BABAM2: variants seen among roughly 807,000 people sequenced by gnomAD.
The protein encoded by BABAM2 is BRISC and BRCA1-A complex member 2.
BABAM2 carries 31 observed loss-of-function variants against 54.7 expected under a neutral mutation model. The ratio of observed to expected loss-of-function variants is 0.57; its 90% CI spans 0.43 to 0.77. BABAM2 has a LOEUF of 0.77. BABAM2 is among the 30% of genes least tolerant of loss of function. The probability of loss-of-function intolerance (pLI) is 0.00; values close to 1 mark genes in which losing one functional copy is unlikely to be tolerated. For missense variants in BABAM2, 364 were observed against 455.8 expected (o/e 0.80, Z 1.83); for synonymous variants, 167 against 162.9 (o/e 1.03, Z -0.19).
intron 5 of BABAM2, among the ~76,000 whole-genome samples, chr2:28,026,840 A>C (rs1675754748): frequency 1.6e-5 from 1 of 62,386 alleles, no homozygotes; most frequent in Non-Finnish European, 3.0e-5. Flanking sequence ...ATAAATATAT[A>C]TAAATATATA....
At chr2:27,983,785 A>G (rs1405181050) in intron 3 of BABAM2, among the ~76,000 whole-genome samples, 2 of 151,804 alleles carry the variant, frequency 1.3e-5, no homozygotes, top group African/African-American at 4.8e-5. Context: ...AATGCGGTTG[A>G]TTTTTGTACA....
chr2:28,134,372 T>G (rs910140285), intron 7 of BABAM2: 4 of 152,114 alleles, frequency 2.6e-5, no homozygotes, highest in Non-Finnish European at 4.4e-5. Flanking sequence ...ATGCTCTACC[T>G]TTCCCTCTTC....
At chr2:28,270,326 G>T (rs1685318292) in intron 10 of BABAM2, among the ~76,000 whole-genome samples, 2 of 152,074 alleles carry the variant, frequency 1.3e-5, no homozygotes, top group Admixed American at 1.3e-4. Flanking sequence ...TTGCTTTGTT[G>T]CCCAGACTGG....
intron 4 of BABAM2, among the ~76,000 whole-genome samples, chr2:27,994,460 T>C (rs12470614): frequency 0.64 from 97,555 of 152,004 alleles, 33,424 homozygotes; most frequent in Middle Eastern, 0.8. Flanking sequence ...GCCTCACTCA[T>C]GTCCTGTTCC....
At chr2:27,988,520 A>G (rs762479795) in intron 4 of BABAM2, among the ~76,000 whole-genome samples, 1 of 152,152 alleles carries the variant, frequency 6.6e-6, no homozygotes, top group Non-Finnish European at 1.5e-5. Flanking sequence ...TTGGACTTGT[A>G]TCCGCATTAT....
At chr2:28,246,797 G>T (rs559309684) in intron 10 of BABAM2, among the ~76,000 whole-genome samples, 30 of 152,294 alleles carry the variant, frequency 2.0e-4, no homozygotes, top group Middle Eastern at 3.4e-3. Context: ...TATTCTGGTG[G>T]TTGCTAGCAA....
chr2:27,981,616 T>C (rs1269333529), intron 3 of BABAM2, among the ~76,000 whole-genome samples: 1 of 152,184 alleles, frequency 6.6e-6, no homozygotes, highest in Non-Finnish European at 1.5e-5. Context: ...AATAATACAA[T>C]AAGTAGCCTT....
intron 7 of BABAM2, among the ~76,000 whole-genome samples, chr2:28,191,207 ATAC>A (rs1276796459): frequency 6.6e-6 from 1 of 152,250 alleles, no homozygotes; most frequent in Non-Finnish European, 1.5e-5. Flanking sequence ...AATGAGATTA[ATAC>A]TATACACCTA....
chr2:27,937,216 G>C (rs542914911), intron 3 of BABAM2, among the ~76,000 whole-genome samples: 8 of 152,128 alleles, frequency 5.3e-5, no homozygotes, highest in Non-Finnish European at 1.2e-4. Context: ...TAAATTCTAC[G>C]TAGATAGCTG....
At chr2:28,214,647 A>C (rs1207516519) in intron 7 of BABAM2, among the ~76,000 whole-genome samples, 2 of 152,172 alleles carry the variant, frequency 1.3e-5, no homozygotes, top group South Asian at 2.1e-4. Flanking sequence ...ACAGCAGACA[A>C]TTCTTGCCTT....
intron 3 of BABAM2, chr2:27,930,172 T>C (rs1238622563): frequency 8.5e-5 from 30 of 354,904 alleles, no homozygotes. Flanking sequence ...TTTTTTTCTC[T>C]ATAGGCGGCT....
At chr2:28,032,464 GA>G (rs1676368310) in intron 5 of BABAM2, among the ~76,000 whole-genome samples, 1 of 151,990 alleles carries the variant, frequency 6.6e-6, no homozygotes, top group Non-Finnish European at 1.5e-5. Flanking sequence ...CCTCCATTTA[GA>G]AGTTTGAGCA....
At chr2:27,903,562 T>A (rs965309957) in intron 2 of BABAM2, among the ~76,000 whole-genome samples, 8 of 152,290 alleles carry the variant, frequency 5.3e-5, no homozygotes, top group African/African-American at 1.9e-4. Context: ...ATGAAATAGA[T>A]GAATATACTA....
chr2:28,092,853 A>C (rs749394980), intron 6 of BABAM2, among the ~76,000 whole-genome samples: 18 of 151,860 alleles, frequency 1.2e-4, no homozygotes, highest in Admixed American at 5.3e-4. Flanking sequence ...TACAGGGTCA[A>C]GATCATAGGA....
At chr2:28,204,048 A>G (rs1678565286) in intron 7 of BABAM2, among the ~76,000 whole-genome samples, 1 of 152,150 alleles carries the variant, frequency 6.6e-6, no homozygotes, top group Non-Finnish European at 1.5e-5. Context: ...TAGGCTGATC[A>G]TTGTTTATTT....
intron 10 of BABAM2, among the ~76,000 whole-genome samples, chr2:28,261,429 A>G (rs913538116): frequency 1.3e-5 from 2 of 150,798 alleles, no homozygotes; most frequent in Admixed American, 6.6e-5. Context: ...TCCCGGGTTC[A>G]TGGCATTCTC....
intron 7 of BABAM2, among the ~76,000 whole-genome samples, chr2:28,133,165 A>G (rs531526824): frequency 6.6e-6 from 1 of 152,344 alleles, no homozygotes; most frequent in East Asian, 1.9e-4. Context: ...GATATTTGCT[A>G]AAGTTATTAA....
At chr2:27,992,528 C>T (rs1347788359) in intron 4 of BABAM2, among the ~76,000 whole-genome samples, 2 of 151,944 alleles carry the variant, frequency 1.3e-5, no homozygotes, top group African/African-American at 4.8e-5. Flanking sequence ...ATAATTGAAA[C>T]AAAAGCAATG....
At chr2:28,264,591 A>G (rs1260522972) in intron 10 of BABAM2, among the ~76,000 whole-genome samples, 1 of 152,260 alleles carries the variant, frequency 6.6e-6, no homozygotes, top group African/African-American at 2.4e-5. Flanking sequence ...CAAAACCGTC[A>G]GTTCATACTG....
Sources: gnomAD v4.1 joint callset for allele counts (sites outside exome capture counted in the v4.1 genomes callset) on GRCh38, gnomAD v4.1.1 for gene constraint, MANE v1.5 for transcripts, NCBI Gene and HGNC (gene_info 2026-07-23, HGNC 2026-07-21) for gene names.